The following DNAH14 variants were observed in gnomAD, a reference collection of about 807,000 sequenced individuals.
DNAH14 encodes dynein axonemal heavy chain 14, also known as axonemal beta dynein heavy chain 14.
In DNAH14, 478 loss-of-function variants were observed where a neutral mutation model predicts 520.9. The observed-to-expected ratio is 0.92, with a 90% CI of 0.85 to 0.99. DNAH14 has a LOEUF of 0.99. Among genes scored for constraint, DNAH14 ranks in the 50% least tolerant of loss-of-function variants. The pLI, the probability that DNAH14 is intolerant of heterozygous loss-of-function variation, is 0.00. For synonymous variants in DNAH14, 1,581 were observed against 1,757.2 expected (o/e 0.90, Z 2.51); for missense variants, 4,831 against 5,234.5 (o/e 0.92, Z 2.38).
intron 36 of DNAH14, among the ~76,000 whole-genome samples, chr1:225,168,536 C>T (rs368024628): frequency 5.3e-5 from 8 of 152,322 alleles, no homozygotes; most frequent in South Asian, 2.1e-4. Flanking sequence ...CCTATACCCA[C>T]GGAGCCTCAC....
rs532250730 is a variant in DNAH14 at position 225,392,437 on chromosome 1, A to G, written c.13477A>G (p.Arg4493Gly). Residue 4493 changes from arginine (R) to glycine (G), a missense_variant, in exon 84 of 86, where the codon AGG becomes GGG. Physicochemically the swap from Arg to Gly is moderately radical, Grantham distance 125 (BLOSUM62 -2). Transcript: ENST00000682510. The part of the protein sequence containing the change: ...VFMPKKLNIV[R>G]RAFKGSASSH... ...TATGCCAAAGAAACTCAACATAGTC[A>G]GGAGAGCGTTTAAGGTACTGGAATA... The G allele has an allele frequency of 4.5e-6, 7 of 1,551,848 alleles. No individual in the cohort carries two copies. In the East Asian group the frequency reaches 7.3e-5, roughly 16 times the overall value.
At chr1:224,988,335 TATTGTGA>T (rs2062798153) in intron 8 of DNAH14, among the ~76,000 whole-genome samples, 3 of 152,346 alleles carry the variant, frequency 2.0e-5, no homozygotes, top group Admixed American at 2.0e-4. Flanking sequence ...ATGTCTTTGC[TATTGTGA>T]ATAGTGCCGC....
chr1:225,111,492 C>A (rs530878584), intron 23 of DNAH14, among the ~76,000 whole-genome samples: 18 of 151,810 alleles, frequency 1.2e-4, no homozygotes, highest in African/African-American at 4.1e-4. Context: ...ATATCTTTTT[C>A]CACCCTTTTA....
intron 55 of DNAH14, among the ~76,000 whole-genome samples, chr1:225,294,574 A>G (rs1458373513): frequency 1.3e-5 from 2 of 152,130 alleles, no homozygotes; most frequent in Non-Finnish European, 2.9e-5. Context: ...TAATCCCAGC[A>G]CTTTGGGAGG....
chr1:225,217,604 G>C (rs1053122426), intron 41 of DNAH14, among the ~76,000 whole-genome samples: 1 of 152,160 alleles, frequency 6.6e-6, no homozygotes, highest in Non-Finnish European at 1.5e-5. Context: ...AGCAATGGTG[G>C]ACGCCCCTCC....
chr1:225,161,271 T>A (rs2081499007), intron 35 of DNAH14, among the ~76,000 whole-genome samples: 1 of 152,236 alleles, frequency 6.6e-6, no homozygotes, highest in African/African-American at 2.4e-5. Context: ...GAGCATGCAA[T>A]GTTTGTGTTT....
intron 1 of DNAH14, among the ~76,000 whole-genome samples, chr1:224,930,726 T>C (rs917129687): frequency 6.6e-6 from 1 of 151,904 alleles, no homozygotes; most frequent in Non-Finnish European, 1.5e-5. Flanking sequence ...GCCTCCGGAG[T>C]AGCTGGGACT....
At chr1:224,991,424 G>A (rs755336763) in intron 8 of DNAH14, among the ~76,000 whole-genome samples, 1 of 151,804 alleles carries the variant, frequency 6.6e-6, no homozygotes, top group Admixed American at 6.6e-5. Context: ...TTGGCCATTT[G>A]TGTGTCTTCT....
chr1:225,304,734 C>T (rs142395202), intron 57 of DNAH14, among the ~76,000 whole-genome samples, 174 bp from the exon 58 acceptor site: 5 of 152,214 alleles, frequency 3.3e-5, no homozygotes, highest in African/African-American at 1.2e-4. Flanking sequence ...GCCCCACCAC[C>T]ATCCCAACCA....
At chr1:225,114,344 T>G (rs2076704569) in intron 23 of DNAH14, among the ~76,000 whole-genome samples, 1 of 152,180 alleles carries the variant, frequency 6.6e-6, no homozygotes. Flanking sequence ...CTACTATGGC[T>G]GAGCCAGTAT....
chr1:225,325,535 C>A (rs1004716260), intron 64 of DNAH14, among the ~76,000 whole-genome samples: 2 of 151,782 alleles, frequency 1.3e-5, no homozygotes, highest in African/African-American at 4.8e-5. Context: ...TATCATTACC[C>A]TGTTGATTTG....
chr1:225,262,784 T>C (rs2092978916), intron 46 of DNAH14, among the ~76,000 whole-genome samples: 1 of 152,112 alleles, frequency 6.6e-6, no homozygotes, highest in Non-Finnish European at 1.5e-5. Flanking sequence ...ATGTGATGCC[T>C]CTAAGTTTGT....
At chr1:225,015,465 A>G (rs935880197) in intron 10 of DNAH14, among the ~76,000 whole-genome samples, 1 of 152,102 alleles carries the variant, frequency 6.6e-6, no homozygotes, top group Non-Finnish European at 1.5e-5. Context: ...CAGCTCTACT[A>G]GTGAGTTTTA....
At chr1:225,126,200 TG>T (rs1260186055) in intron 27 of DNAH14, among the ~76,000 whole-genome samples, 2 of 152,132 alleles carry the variant, frequency 1.3e-5, no homozygotes, top group Non-Finnish European at 2.9e-5. Flanking sequence ...CGCAGAGACA[TG>T]GAGTGAACAC....
chr1:225,082,393 A>G (rs559950186), intron 19 of DNAH14, among the ~76,000 whole-genome samples, 156 bp from the exon 20 acceptor site: 1 of 152,260 alleles, frequency 6.6e-6, no homozygotes, highest in African/African-American at 2.4e-5. Flanking sequence ...GGTAATGTTA[A>G]TAAAGCTCAC....
intron 2 of DNAH14, chr1:224,954,556 G>C (rs995483298): frequency 1.3e-5 from 2 of 153,952 alleles, no homozygotes; most frequent in African/African-American, 2.4e-5. Context: ...ATTGTGTTCT[G>C]ACTTCACTCT....
intron 27 of DNAH14, among the ~76,000 whole-genome samples, chr1:225,127,703 T>C (rs1307563967): frequency 2.0e-5 from 3 of 152,184 alleles, no homozygotes; most frequent in Admixed American, 6.5e-5. Flanking sequence ...GTTTAGTCCA[T>C]TTACATTTAA....
intron 43 of DNAH14, among the ~76,000 whole-genome samples, chr1:225,241,377 A>G (rs1162167492): frequency 6.6e-6 from 1 of 152,202 alleles, no homozygotes; most frequent in Admixed American, 6.5e-5. Flanking sequence ...AATATTAAGC[A>G]TAAATATATT....
At chr1:225,398,782 TCAGACAA>T in intron 85 of DNAH14, 116 bp downstream of exon 85, 1 of 1,360,348 alleles carries the variant, frequency 7.4e-7, no homozygotes, top group South Asian at 1.5e-5. Context: ...GATAATATAC[TCAGACAA>T]CAAAGATTTT....
Sources: gnomAD v4.1 joint callset for allele counts (sites outside exome capture counted in the v4.1 genomes callset) on GRCh38, gnomAD v4.1.1 for gene constraint, MANE v1.5 for transcripts, NCBI Gene and HGNC (gene_info 2026-07-23, HGNC 2026-07-21) for gene names.